PTPRD: variants seen among roughly 807,000 people sequenced by gnomAD.
PTPRD encodes the protein protein tyrosine phosphatase receptor type D, also known as receptor-type tyrosine-protein phosphatase delta.
A neutral mutation model predicts 214.5 loss-of-function variants in PTPRD; 34 were observed. The ratio of observed to expected loss-of-function variants is 0.16; its 90% CI spans 0.12 to 0.21. PTPRD has a LOEUF of 0.21. Ranked by LOEUF, PTPRD falls within the 10% of genes least tolerant of loss-of-function variation. The pLI, the probability that PTPRD is intolerant of heterozygous loss-of-function variation, is 1.00. For missense variants in PTPRD, 2,545 were observed against 2,398.7 expected (o/e 1.06, Z -1.27); for synonymous variants, 1,128 against 845.7 (o/e 1.33, Z -5.79).
chr9:9,233,755 T>C (rs1181766102), intron 9 of PTPRD, among the ~76,000 whole-genome samples: 1 of 152,198 alleles, frequency 6.6e-6, no homozygotes, highest in Admixed American at 6.5e-5. Flanking sequence ...TCATTAAACC[T>C]TAAAGTTCCA....
At chr9:9,729,187 A>G (rs2098142209) in intron 7 of PTPRD, among the ~76,000 whole-genome samples, 1 of 152,146 alleles carries the variant, frequency 6.6e-6, no homozygotes, top group Non-Finnish European at 1.5e-5. Flanking sequence ...TTGCTTAAGA[A>G]AACAGAATTC....
chr9:8,870,353 A>G (rs2098274321), intron 11 of PTPRD, among the ~76,000 whole-genome samples: 2 of 152,222 alleles, frequency 1.3e-5, no homozygotes, highest in South Asian at 4.2e-4. Context: ...ATTACTCCTA[A>G]TCCACACAGA....
chr9:8,570,714 G>T (rs1219224783), intron 14 of PTPRD, among the ~76,000 whole-genome samples: 1 of 152,010 alleles, frequency 6.6e-6, no homozygotes, highest in Non-Finnish European at 1.5e-5. Flanking sequence ...ATACAGATCT[G>T]CTCTTAAAAT....
intron 3 of PTPRD, among the ~76,000 whole-genome samples, chr9:10,328,979 T>C (rs1353625475): frequency 6.6e-6 from 1 of 151,752 alleles, no homozygotes; most frequent in African/African-American, 2.4e-5. Flanking sequence ...CTGTATCAGC[T>C]CTTCAGTGTC....
At chr9:8,341,517 G>C (rs1412854014) in intron 40 of PTPRD, among the ~76,000 whole-genome samples, 176 bp downstream of exon 40, 2 of 152,064 alleles carry the variant, frequency 1.3e-5, no homozygotes, top group Non-Finnish European at 2.9e-5. Context: ...ATATTGTTAG[G>C]AAGCAAAGAA....
intron 3 of PTPRD, among the ~76,000 whole-genome samples, chr9:10,194,806 G>T (rs1024586601): frequency 1.3e-5 from 2 of 151,990 alleles, no homozygotes; most frequent in African/African-American, 4.8e-5. Flanking sequence ...AAGGCTTACA[G>T]TATTTCAAAC....
chr9:9,771,390 CATTTGTGGTCAAA>C, intron 5 of PTPRD, among the ~76,000 whole-genome samples: 1 of 152,102 alleles, frequency 6.6e-6, no homozygotes, highest in African/African-American at 2.4e-5. Context: ...TATTTTATGT[CATTTGTGGTCAAA>C]ATTCGATGTA....
intron 7 of PTPRD, among the ~76,000 whole-genome samples, chr9:9,649,905 G>A (rs912422882): frequency 6.6e-6 from 1 of 151,990 alleles, no homozygotes; most frequent in Admixed American, 6.6e-5. Flanking sequence ...TATATTTGGA[G>A]CAATCAAGTT....
chr9:8,565,419 T>C (rs2088598094), intron 14 of PTPRD, among the ~76,000 whole-genome samples: 1 of 152,346 alleles, frequency 6.6e-6, no homozygotes, highest in Admixed American at 6.5e-5. Context: ...CATTCATTTG[T>C]TATCAAATAC....
At chr9:8,918,801 G>A (rs746582276) in intron 11 of PTPRD, among the ~76,000 whole-genome samples, 2 of 152,046 alleles carry the variant, frequency 1.3e-5, no homozygotes, top group Non-Finnish European at 2.9e-5. Flanking sequence ...ACAATATTGT[G>A]GACCAAACTT....
At chr9:9,634,769 T>C (rs989039539) in intron 7 of PTPRD, among the ~76,000 whole-genome samples, 5 of 152,194 alleles carry the variant, frequency 3.3e-5, no homozygotes, top group Non-Finnish European at 7.3e-5. Flanking sequence ...TTTGAATGTG[T>C]ATAGAGTTAA....
At chr9:9,739,270 C>T (rs1259256753) in intron 6 of PTPRD, among the ~76,000 whole-genome samples, 1 of 152,120 alleles carries the variant, frequency 6.6e-6, no homozygotes, top group Non-Finnish European at 1.5e-5. Context: ...CAAAAGGAAC[C>T]ACTGCTACTA....
At chr9:9,957,739 T>C (rs754062610) in intron 4 of PTPRD, among the ~76,000 whole-genome samples, 3 of 152,032 alleles carry the variant, frequency 2.0e-5, no homozygotes, top group Non-Finnish European at 2.9e-5. Flanking sequence ...GCTAACACAA[T>C]ACTAAAGAAT....
At chr9:9,188,124 G>A (rs59096850) in intron 9 of PTPRD, among the ~76,000 whole-genome samples, 4,717 of 151,878 alleles carry the variant, frequency 0.031, 241 homozygotes, top group African/African-American at 0.11. Context: ...TATGGTTTAG[G>A]GTTGCCTTGA....
At chr9:8,621,612 T>C (rs1269472213) in intron 14 of PTPRD, among the ~76,000 whole-genome samples, 1 of 151,716 alleles carries the variant, frequency 6.6e-6, no homozygotes, top group African/African-American at 2.4e-5. Context: ...ATGATTTATC[T>C]GTTTGTAAGC....
At chr9:9,239,903 T>C (rs2099969504) in intron 9 of PTPRD, among the ~76,000 whole-genome samples, 1 of 152,166 alleles carries the variant, frequency 6.6e-6, no homozygotes, top group African/African-American at 2.4e-5. Flanking sequence ...GGGCACCATC[T>C]GATTGCTCAA....
intron 2 of PTPRD, among the ~76,000 whole-genome samples, chr9:10,446,423 T>C (rs1423839850): frequency 8.6e-5 from 11 of 127,588 alleles, no homozygotes; most frequent in East Asian, 2.6e-4. Context: ...TTTTCTTTTT[T>C]TTTTTTTTTT....
At chr9:10,347,903 C>G (rs140775487) in intron 2 of PTPRD, among the ~76,000 whole-genome samples, 1 of 151,942 alleles carries the variant, frequency 6.6e-6, no homozygotes, top group East Asian at 2.0e-4. Flanking sequence ...ACTAAAAATA[C>G]AAAAATTAGC....
intron 3 of PTPRD, among the ~76,000 whole-genome samples, chr9:10,207,001 T>A (rs908220048): frequency 3.9e-5 from 6 of 152,158 alleles, no homozygotes; most frequent in Non-Finnish European, 8.8e-5. Flanking sequence ...GTCAAATGTA[T>A]ACAGAGGGAA....
Sources: gnomAD v4.1 joint callset for allele counts (sites outside exome capture counted in the v4.1 genomes callset) on GRCh38, gnomAD v4.1.1 for gene constraint, MANE v1.5 for transcripts, NCBI Gene and HGNC (gene_info 2026-07-23, HGNC 2026-07-21) for gene names.